Variants in ASAP1 observed in about 807,000 individuals in gnomAD.
ASAP1 encodes ArfGAP with SH3 domain, ankyrin repeat and PH domain 1.
Under a neutral mutation model 145.2 loss-of-function variants are expected in ASAP1, and 43 were observed. The observed-to-expected ratio is 0.30, with a 90% CI of 0.23 to 0.38. The LOEUF (loss-of-function observed/expected upper bound fraction) is 0.38. ASAP1 is among the 10% of genes least tolerant of loss of function. The pLI is 1.00. For missense variants in ASAP1, 1,018 were observed against 1,355.3 expected (o/e 0.75, Z 3.91); for synonymous variants, 546 against 515.5 (o/e 1.06, Z -0.80).
intron 1 of ASAP1, among the ~76,000 whole-genome samples, chr8:130,441,138 A>G (rs1017234535): frequency 1.3e-5 from 2 of 152,260 alleles, no homozygotes; most frequent in African/African-American, 4.8e-5. Context: ...GGCTGGAAAT[A>G]GAAGGCCTTG....
At chr8:130,220,631 G>A (rs1189470431) in intron 4 of ASAP1, among the ~76,000 whole-genome samples, 3 of 152,142 alleles carry the variant, frequency 2.0e-5, no homozygotes, top group Admixed American at 2.0e-4. Flanking sequence ...GAGCCTAGGA[G>A]TTTGAGACCA....
chr8:130,174,680 T>C (rs1327725186), intron 9 of ASAP1, among the ~76,000 whole-genome samples: 3 of 152,222 alleles, frequency 2.0e-5, no homozygotes, highest in Non-Finnish European at 4.4e-5. Context: ...ATCATGCCTA[T>C]GTAATAAAAC....
intron 3 of ASAP1, among the ~76,000 whole-genome samples, chr8:130,250,377 C>A (rs1401161503): frequency 6.6e-6 from 1 of 152,136 alleles, no homozygotes; most frequent in Admixed American, 6.6e-5. Context: ...GTGCTTTCTG[C>A]CATGTCTGAC....
intron 2 of ASAP1, among the ~76,000 whole-genome samples, chr8:130,390,256 G>A (rs1274309190): frequency 1.3e-5 from 2 of 152,156 alleles, no homozygotes; most frequent in East Asian, 1.9e-4. Flanking sequence ...AACTTTATAA[G>A]TTTCTCAGTT....
chr8:130,204,285 C>T (rs1247197183), intron 5 of ASAP1, among the ~76,000 whole-genome samples: 1 of 152,208 alleles, frequency 6.6e-6, no homozygotes, highest in African/African-American at 2.4e-5. Flanking sequence ...ATCCTCCCGG[C>T]TACCCTCTTG....
Position 130,358,713 on chromosome 8 carries a change from T to TCCCCGCCCGCG in ASAP1, c.60-581_60-571dup, listed in dbSNP as rs1249716135. ...CCCCCAGCCCCGCCCCCCCGGTCCC[T>TCCCCGCCCGCG]CCCCGCCCGCGCCCCGCCCCCGGCC... On this transcript the variant is annotated intron_variant, in intron 2 of 29. Coordinates refer to ENST00000518721, the MANE Select transcript of ASAP1 (RefSeq NM_018482.4). The surrounding 1 kb of genome is among the most constrained non-coding windows in gnomAD (Gnocchi z 4.1). Among the ~76,000 whole-genome samples, 11 of 7,638 alleles carry TCCCCGCCCGCG rather than the reference T, an allele frequency of 1.4e-3. No individual in the cohort carries two copies. The highest frequency in any genetic ancestry group is 0.01 in the Admixed American group (8 of 762). 5.0% of individuals were successfully genotyped at this position (7,638 alleles called of 152,430 possible).
intron 3 of ASAP1, among the ~76,000 whole-genome samples, chr8:130,303,161 G>A (rs1822782841): frequency 6.6e-6 from 1 of 152,168 alleles, no homozygotes; most frequent in Non-Finnish European, 1.5e-5. Context: ...CAGAATGACA[G>A]GAAGCATGCT....
intron 27 of ASAP1, among the ~76,000 whole-genome samples, chr8:130,068,001 A>G (rs2097434021): frequency 6.6e-6 from 1 of 152,178 alleles, no homozygotes; most frequent in Non-Finnish European, 1.5e-5. Flanking sequence ...GAGAAGAGAA[A>G]GGATAAAAGG....
chr8:130,101,719 C>T (rs1243454669), intron 24 of ASAP1, among the ~76,000 whole-genome samples: 12 of 115,984 alleles, frequency 1.0e-4, no homozygotes. Context: ...GCATGTGCTA[C>T]CACACCTGGT....
chr8:130,072,635 T>C (rs1321297315), intron 27 of ASAP1, among the ~76,000 whole-genome samples: 1 of 151,462 alleles, frequency 6.6e-6, no homozygotes, highest in Non-Finnish European at 1.5e-5. Context: ...TCTTTATCTG[T>C]ATCCTTTGCA....
intron 1 of ASAP1, among the ~76,000 whole-genome samples, chr8:130,441,387 C>T (rs766759688): frequency 1.6e-4 from 25 of 152,144 alleles, no homozygotes; most frequent in Non-Finnish European, 2.9e-4. Flanking sequence ...CTATTGCTCA[C>T]GTGGGGATCA....
chr8:130,092,035 G>T lies in ASAP1; in HGVS notation c.2510C>A (p.Thr837Asn), dbSNP rs1348308812. The T allele has an allele frequency of 6.3e-7, 1 of 1,578,180 alleles. No homozygotes were observed. The highest frequency in any genetic ancestry group is 2.4e-5 in the East Asian group (1 of 41,224). Reference sequence around the variant, plus strand: ...TAGTGGGCTGGGAGGGTCGGATAGGGTTCTCTTGTGTCCGGGTGGTGGGGG... The same window carrying T: ...TAGTGGGCTGGGAGGGTCGGATAGGTTTCTCTTGTGTCCGGGTGGTGGGGG... ...PPPPPPGHKR[T>N]LSDPPSPLPH... The change falls in exon 25 of 30, where the codon ACC becomes AAC. Residue 837 changes from threonine to asparagine, a missense_variant. By Grantham distance (65) the Thr-to-Asn change is moderately conservative. Around this residue, in one of 9 missense-constraint regions of ASAP1, gnomAD observed 353 missense variants for 375.4 expected, o/e 0.94. Coordinates refer to ENST00000518721, the MANE Select transcript of ASAP1 (RefSeq NM_018482.4).
chr8:130,364,558 T>C (rs1240965326), intron 2 of ASAP1, among the ~76,000 whole-genome samples: 1 of 152,156 alleles, frequency 6.6e-6, no homozygotes, highest in Non-Finnish European at 1.5e-5. Flanking sequence ...AATGGATGAG[T>C]CCACAGCCCC....
At position 130,193,535 on chromosome 8, in the gene ASAP1, T is replaced by TTGTAATA. The variant is rs1243214633; in HGVS notation, c.406-5359_406-5353dup. 2.0e-5 allele frequency among the ~76,000 whole-genome samples: 3 copies of TTGTAATA among 152,230 alleles called. No homozygotes were observed. The South Asian group carries it at 6.2e-4, about 32-fold the overall frequency. On this transcript the variant is annotated intron_variant, in intron 5 of 29. Transcript: ENST00000518721. ...AGGAGATTTTTGCATTTTAAAAAAA[T>TTGTAATA]TGTAATATGTAATATGTTGTTTATT...
chr8:130,315,735 TAC>T (rs1472489907), intron 3 of ASAP1, among the ~76,000 whole-genome samples: 1 of 152,158 alleles, frequency 6.6e-6, no homozygotes, highest in East Asian at 1.9e-4. Flanking sequence ...GAATGACTAT[TAC>T]AGTGTATGGC....
chr8:130,406,576 G>T (rs1326592453), intron 1 of ASAP1, among the ~76,000 whole-genome samples: 1 of 151,758 alleles, frequency 6.6e-6, no homozygotes, highest in African/African-American at 2.4e-5. Context: ...CCGTCACCCA[G>T]GTTCAAGCGA....
intron 7 of ASAP1, among the ~76,000 whole-genome samples, chr8:130,186,418 G>A (rs1226622772): frequency 6.6e-6 from 1 of 151,954 alleles, no homozygotes; most frequent in Admixed American, 6.6e-5. Flanking sequence ...ATTCTCTTAT[G>A]TTTATAGTTG....
chr8:130,129,586 G>A (rs2097580184), intron 15 of ASAP1, among the ~76,000 whole-genome samples: 1 of 152,142 alleles, frequency 6.6e-6, no homozygotes. Flanking sequence ...CAATACAGAG[G>A]TTCAGAACTG....
chr8:130,325,580 C>T (rs1335450336), intron 3 of ASAP1, among the ~76,000 whole-genome samples: 3 of 152,166 alleles, frequency 2.0e-5, no homozygotes, highest in African/African-American at 7.2e-5. Context: ...CTGAGGAAGG[C>T]GTTTTGGGAT....
Sources: gnomAD v4.1 joint callset for allele counts (sites outside exome capture counted in the v4.1 genomes callset) on GRCh38, gnomAD v4.1.1 for gene constraint, gnomAD v4.1.1 regional missense constraint, Gnocchi (gnomAD v3.1) non-coding constraint, MANE v1.5 for transcripts, NCBI Gene and HGNC (gene_info 2026-07-23, HGNC 2026-07-21) for gene names.